Variants in UST observed in about 807,000 individuals in gnomAD.
UST encodes the protein uronyl 2-sulfotransferase.
Under a neutral mutation model 45.6 loss-of-function variants are expected in UST, and 21 were observed. The observed-to-expected ratio is 0.46, with a 90% confidence interval of 0.33 to 0.66. The LOEUF (loss-of-function observed/expected upper bound fraction) is 0.66. Ranked by LOEUF, UST falls within the 30% of genes least tolerant of loss-of-function variation. UST has a pLI of 0.02. For missense variants in UST, 463 were observed against 512.4 expected (o/e 0.90, Z 0.93); for synonymous variants, 215 against 200.6 (o/e 1.07, Z -0.61).
At chr6:148,867,903 G>A (rs997287726) in intron 1 of UST, among the ~76,000 whole-genome samples, 3 of 152,156 alleles carry the variant, frequency 2.0e-5, no homozygotes, top group Non-Finnish European at 4.4e-5. Flanking sequence ...TGCTGTAAGG[G>A]ATCTTCAGGG....
At chr6:149,037,527 C>G (rs776492596) in intron 7 of UST, among the ~76,000 whole-genome samples, 1 of 152,152 alleles carries the variant, frequency 6.6e-6, no homozygotes, top group Non-Finnish European at 1.5e-5. Flanking sequence ...TGGAGGCTGG[C>G]GAACACTCTT....
intron 4 of UST, among the ~76,000 whole-genome samples, chr6:148,962,009 AT>A (rs1780668964): frequency 1.3e-5 from 2 of 152,120 alleles, no homozygotes; most frequent in Non-Finnish European, 2.9e-5. Flanking sequence ...GATTTTCCCA[AT>A]TTGGCGGAAG....
chr6:149,022,327 C>T (rs1383351915), intron 7 of UST, among the ~76,000 whole-genome samples: 1 of 152,146 alleles, frequency 6.6e-6, no homozygotes, highest in Admixed American at 6.5e-5. Context: ...AGGCCCGGTG[C>T]GGTGGCTCAT....
At chr6:148,846,334 A>C (rs1435407293) in intron 1 of UST, among the ~76,000 whole-genome samples, 2 of 152,038 alleles carry the variant, frequency 1.3e-5, no homozygotes, top group Non-Finnish European at 2.9e-5. Flanking sequence ...ATTCTCAGTA[A>C]ACTATCGCAA....
intron 5 of UST, among the ~76,000 whole-genome samples, chr6:149,011,140 C>G (rs1775803147): frequency 1.3e-5 from 2 of 152,114 alleles, no homozygotes; most frequent in African/African-American, 4.8e-5. Flanking sequence ...GAGATCCTGT[C>G]ATTTGCAATG....
intron 1 of UST, among the ~76,000 whole-genome samples, chr6:148,767,160 T>C (rs937309512): frequency 6.6e-5 from 10 of 152,216 alleles, no homozygotes; most frequent in Non-Finnish European, 1.3e-4. Flanking sequence ...TGGGAAATAA[T>C]GAATACCTGT....
At chr6:148,915,251 A>C (rs1779564551) in intron 2 of UST, among the ~76,000 whole-genome samples, 1 of 152,202 alleles carries the variant, frequency 6.6e-6, no homozygotes. Context: ...TGGCCTATAC[A>C]AGATAGAAGT....
chr6:148,773,504 T>C (rs1161046404), intron 1 of UST, among the ~76,000 whole-genome samples: 1 of 152,168 alleles, frequency 6.6e-6, no homozygotes, highest in Non-Finnish European at 1.5e-5. Context: ...TGGAATTATA[T>C]GACATGTATG....
intron 1 of UST, among the ~76,000 whole-genome samples, chr6:148,786,335 A>G (rs1776735227): frequency 1.3e-5 from 2 of 152,156 alleles, no homozygotes; most frequent in African/African-American, 4.8e-5. Context: ...CCCATCACCC[A>G]GGTATTAATC....
intron 1 of UST, among the ~76,000 whole-genome samples, chr6:148,867,634 A>T (rs1327806833): frequency 6.6e-6 from 1 of 152,000 alleles, no homozygotes; most frequent in Non-Finnish European, 1.5e-5. Context: ...TGATAAGGGG[A>T]AACCCCTTTC....
Position 149,027,102 on chromosome 6 carries a change from A to G in UST, c.937+5621A>G, listed in dbSNP as rs1421091016. Among the ~76,000 whole-genome samples the G allele has an allele frequency of 5.9e-5, 9 of 152,300 alleles. No homozygotes were observed. In the East Asian group the frequency reaches 1.7e-3, roughly 29 times the overall value. ...TTTTTTTACTATGCATGAATGATAA[A>G]TTAGACCTCCCATTAGAAGGATGGT... On this transcript the variant is annotated intron_variant, in intron 7 of 7. Coordinates refer to ENST00000367463, the MANE Select transcript of UST (RefSeq NM_005715.3).
At chr6:149,023,372 G>A (rs1472605563) in intron 7 of UST, among the ~76,000 whole-genome samples, 1 of 152,134 alleles carries the variant, frequency 6.6e-6, no homozygotes, top group Non-Finnish European at 1.5e-5. Context: ...AGAGCCACGT[G>A]TGTGAGCCAT....
chr6:148,842,829 C>T (rs1044739346), intron 1 of UST, among the ~76,000 whole-genome samples: 20 of 152,176 alleles, frequency 1.3e-4, no homozygotes, highest in Non-Finnish European at 2.6e-4. Context: ...CAGGCCTAGT[C>T]TGTGGCAATC....
chr6:148,766,163 C>A (rs1049912723), intron 1 of UST, among the ~76,000 whole-genome samples: 4 of 152,204 alleles, frequency 2.6e-5, no homozygotes, highest in East Asian at 1.9e-4. Flanking sequence ...TGGCATAATG[C>A]GTTTCTGTGC....
At chr6:148,815,777 A>G (rs1777342829) in intron 1 of UST, among the ~76,000 whole-genome samples, 1 of 152,168 alleles carries the variant, frequency 6.6e-6, no homozygotes, top group Non-Finnish European at 1.5e-5. Flanking sequence ...TGTTTTTCCT[A>G]TTCTGTGTGA....
chr6:148,842,852 A>G (rs1464539161), intron 1 of UST, among the ~76,000 whole-genome samples: 2 of 152,162 alleles, frequency 1.3e-5, no homozygotes, highest in Non-Finnish European at 2.9e-5. Flanking sequence ...AGTGAGTAGT[A>G]CTTAGTGGGT....
At position 148,934,395 on chromosome 6, in the gene UST, A is replaced by C. The variant is rs1779980384; in HGVS notation, c.292-6884A>C. On this transcript the variant is annotated intron_variant, in intron 2 of 7. Transcript: ENST00000367463. This position sits in a 1 kb window ranked among gnomAD's most constrained non-coding sequence, Gnocchi z 4.1. ...TATTCGTCAAGCAAAGTCATTTCAC[A>C]GTCAGTATAATATTCATGCTAAGGG... Among the ~76,000 whole-genome samples, 1 of 152,238 alleles carries C rather than the reference A, an allele frequency of 6.6e-6. No individual in the cohort carries two copies. Among genetic ancestry groups the C allele is most frequent in the African/African-American group, 2.4e-5 (1 of 41,472 alleles).
chr6:148,770,754 A>G (rs1449215630), intron 1 of UST, among the ~76,000 whole-genome samples: 1 of 152,186 alleles, frequency 6.6e-6, no homozygotes, highest in East Asian at 1.9e-4. Context: ...CTCTGCAGAC[A>G]AGGAGCCTGA....
chr6:148,840,046 G>C (rs1777860459), intron 1 of UST, among the ~76,000 whole-genome samples: 1 of 152,156 alleles, frequency 6.6e-6, no homozygotes, highest in Admixed American at 6.5e-5. Context: ...CTCCAGTCAG[G>C]AAACAGAAAC....
Sources: allele counts gnomAD v4.1 joint callset (sites outside exome capture counted in the v4.1 genomes callset), GRCh38; gene constraint gnomAD v4.1.1; non-coding constraint Gnocchi (gnomAD v3.1); transcripts MANE v1.5; gene names NCBI Gene and HGNC (gene_info 2026-07-23, HGNC 2026-07-21).